The following KCTD19 variants were observed in gnomAD, a reference collection of about 807,000 sequenced individuals.
KCTD19 encodes BTB/POZ domain-containing protein KCTD19.
Under a neutral mutation model 103.5 loss-of-function variants are expected in KCTD19, and 67 were observed. The ratio of observed to expected loss-of-function variants is 0.65; its 90% CI spans 0.53 to 0.79. KCTD19 has a LOEUF of 0.79. Ranked by LOEUF, KCTD19 falls within the 30% of genes least tolerant of loss-of-function variation. The pLI is 0.00. For missense variants in KCTD19, 980 were observed against 1,136.1 expected, an observed-to-expected ratio of 0.86 and a Z score of 1.98; for synonymous variants, 439 against 452.2, an observed-to-expected ratio of 0.97 and a Z score of 0.37.
chr16:67,305,734 T>C (rs987389576), intron 2 of KCTD19: 2 of 359,430 alleles, frequency 5.6e-6, no homozygotes, highest in African/African-American at 4.3e-5. Context: ...AAGTGGTACT[T>C]TAAAGGCACC....
At chr16:67,321,013 A>T in intron 1 of KCTD19, 128 bp from the exon 2 acceptor site, 1 of 854,862 alleles carries the variant, frequency 1.2e-6, no homozygotes, top group African/African-American at 1.7e-5. Context: ...ATCCTAAGGA[A>T]TTCACCAGAA....
chr16:67,308,428 G>A (rs2036916366), intron 2 of KCTD19, among the ~76,000 whole-genome samples: 1 of 152,018 alleles, frequency 6.6e-6, no homozygotes, highest in Non-Finnish European at 1.5e-5. Context: ...GCCTCCCAAA[G>A]TGTTGGGATT....
intron 2 of KCTD19, among the ~76,000 whole-genome samples, chr16:67,315,659 T>G (rs944977083): frequency 2.0e-5 from 3 of 152,052 alleles, no homozygotes; most frequent in African/African-American, 7.2e-5. Context: ...TTTTTATATT[T>G]TTAGTTGAGA....
Position 67,304,497 on chromosome 16 carries a change from T to TG in KCTD19, c.374dup (p.Ser126IlefsTer12), listed in dbSNP as rs1319981399. On this transcript the variant is annotated frameshift_variant, in exon 3 of 16. Transcript: ENST00000304372. LOFTEE classifies it high-confidence loss of function. ...TCCATGTACGCCAGTAGTTCAGAGA[T>TG]GCTCTCTCAGCAACAGGTAGGTCTG... 6.2e-7 allele frequency: 1 copy of TG among 1,613,916 alleles called. No homozygotes were observed. Among genetic ancestry groups the TG allele is most frequent in the Non-Finnish European group, 8.5e-7 (1 of 1,179,892 alleles).
chr16:67,317,199 G>A (rs1388391999), intron 2 of KCTD19, among the ~76,000 whole-genome samples: 1 of 151,956 alleles, frequency 6.6e-6, no homozygotes, highest in African/African-American at 2.4e-5. Context: ...GACAGTCTGA[G>A]ACCCAGCACG....
At chr16:67,298,901 C>A (rs1357455334) in intron 6 of KCTD19, among the ~76,000 whole-genome samples, 1 of 151,212 alleles carries the variant, frequency 6.6e-6, no homozygotes, top group African/African-American at 2.4e-5. Context: ...AGGATCAGCA[C>A]CTCTGGGAAG....
At position 67,320,871 on chromosome 16, in the gene KCTD19, C is replaced by T. The variant is rs1279987540; in HGVS notation, c.18G>A (p.Met6Ile). The T allele has an allele frequency of 6.2e-7, 1 of 1,612,428 alleles. No homozygotes were observed. The highest frequency in any genetic ancestry group is 1.7e-5 in the Admixed American group (1 of 59,714). Residue 6 changes from methionine to isoleucine, a missense_variant, in exon 2 of 16, where the codon ATG (methionine) becomes ATA (isoleucine). Transcript: ENST00000304372. This position sits in a 1 kb window ranked among gnomAD's most constrained non-coding sequence, Gnocchi z 4.0. MEESG[M>I]AHESAEDLFH... ...ACAAGTCCTCTGCTGATTCATGAGC[C>T]ATGCCAGACTCCTCCTAAAGGGGGA...
chr16:67,311,759 ATGTAGGTGTGTGTCTTTG>A (rs1344396639), intron 2 of KCTD19, among the ~76,000 whole-genome samples: 1 of 151,960 alleles, frequency 6.6e-6, no homozygotes, highest in Non-Finnish European at 1.5e-5. Context: ...CCTTGCCTGC[ATGTAGGTGTGTGTCTTTG>A]TTGGGATATG....
At position 67,294,589 on chromosome 16, in the gene KCTD19, GTC is replaced by G. The variant is rs760770773; in HGVS notation, c.1579_1580del (p.Asp527HisfsTer2). On this transcript the variant is annotated frameshift_variant, in exon 11 of 16. Coordinates refer to ENST00000304372, the MANE Select transcript of KCTD19 (RefSeq NM_001100915.3). LOFTEE classifies it high-confidence loss of function. ...GPGSLVEFSRDTKETTAYMPV... is the reference protein window; with the variant it reads ...GPGSLVEFSRXTKETTAYMPV... Reference sequence around the variant, plus strand: ...GGAGGCTGGTGCTTACTTCTTTAGTGTCTCTACTGAACTCCACCAGTGACCCT... The same window carrying G: ...GGAGGCTGGTGCTTACTTCTTTAGTGTCTACTGAACTCCACCAGTGACCCT... The G allele has an allele frequency of 6.8e-6, 11 of 1,609,654 alleles. No individual in the cohort carries two copies. Among genetic ancestry groups the G allele is most frequent in the South Asian group, 1.1e-5 (1 of 90,992 alleles).
intron 2 of KCTD19, among the ~76,000 whole-genome samples, chr16:67,318,951 G>A (rs1279923665): frequency 3.9e-5 from 6 of 152,148 alleles, no homozygotes; most frequent in East Asian, 3.8e-4. Flanking sequence ...GGCCAGGTGC[G>A]GTGGCTCACG....
Position 67,291,817 on chromosome 16 carries a change from G to C in KCTD19, c.2239C>G (p.Pro747Ala), listed in dbSNP as rs1308688640. 1 of 1,609,914 alleles carries C rather than the reference G, an allele frequency of 6.2e-7. No individual in the cohort carries two copies. The highest frequency in any genetic ancestry group is 8.5e-7 in the Non-Finnish European group (1 of 1,177,236). Reference protein sequence around the residue: ...KERESPAPEQPLPEASEVDSL... With the variant: ...KERESPAPEQALPEASEVDSL... ...TCCACCTCACTGGCCTCGGGCAGAGGCTGCTCAGGGGCAGGGCTTTCTGTG... is the reference window on the plus strand; with the variant it reads ...TCCACCTCACTGGCCTCGGGCAGAGCCTGCTCAGGGGCAGGGCTTTCTGTG... The change falls in exon 13 of 16, where the codon CCT becomes GCT. Residue 747 changes from proline (P) to alanine (A), a missense_variant. By Grantham distance (27) the Pro-to-Ala change is conservative (BLOSUM62 -1). Transcript: ENST00000304372.
At chr16:67,296,053 TG>T in intron 8 of KCTD19, 105 bp downstream of exon 8, 1 of 751,896 alleles carries the variant, frequency 1.3e-6, no homozygotes, top group Non-Finnish European at 2.4e-6. Flanking sequence ...GGAAAGCCTT[TG>T]TTCTAAGCAA....
rs1460014056 is a variant in KCTD19 at position 67,320,330 on chromosome 16, G to A, written c.300+259C>T. On this transcript the variant is annotated intron_variant, in intron 2 of 15. Coordinates refer to ENST00000304372, the MANE Select transcript of KCTD19 (RefSeq NM_001100915.3). This position sits in a 1 kb window ranked among gnomAD's most constrained non-coding sequence, Gnocchi z 4.0. ...GATCCTTTGGGCTTGGGAGGTGGAGGTTGCAGTGAGCTGTGATTGCAGCAG... is the reference window on the plus strand; with the variant it reads ...GATCCTTTGGGCTTGGGAGGTGGAGATTGCAGTGAGCTGTGATTGCAGCAG... 6.6e-6 allele frequency among the ~76,000 whole-genome samples: 1 copy of A among 152,130 alleles called. No homozygotes were observed. Among genetic ancestry groups the A allele is most frequent in the Non-Finnish European group, 1.5e-5 (1 of 68,022 alleles).
chr16:67,290,786 T>G, intron 15 of KCTD19, 99 bp downstream of exon 15: 1 of 1,095,942 alleles, frequency 9.1e-7, no homozygotes, highest in Non-Finnish European at 1.3e-6. Flanking sequence ...TGTCTAGCCT[T>G]CTGGGCAGTG....
At chr16:67,301,086 G>A (rs1045379500) in intron 5 of KCTD19, 2 of 152,288 alleles carry the variant, frequency 1.3e-5, no homozygotes, top group Non-Finnish European at 2.9e-5. Context: ...ACACATTCTC[G>A]GGATGGTGGC....
chr16:67,294,932 G>A lies in KCTD19; in HGVS notation c.1475+41C>T, dbSNP rs553717381. ...ACAGGATTTCAAGAGGAATTTAAAGGACCAAATTCTAAACATAGAGTCGTG... is the reference window on the plus strand; with the variant it reads ...ACAGGATTTCAAGAGGAATTTAAAGAACCAAATTCTAAACATAGAGTCGTG... On this transcript the variant is annotated intron_variant, in intron 10 of 15. Coordinates refer to ENST00000304372, the MANE Select transcript of KCTD19 (RefSeq NM_001100915.3). 13 of 1,478,820 alleles carry A rather than the reference G, an allele frequency of 8.8e-6. 1 individual carries two copies. In the South Asian group the frequency reaches 1.4e-4, roughly 15 times the overall value. The allele number at this position is 1,478,820 out of a possible 1,614,324, so 91.6% of individuals were successfully genotyped here.
chr16:67,303,442 C>T lies in KCTD19; in HGVS notation c.452-105G>A. 3.7e-6 allele frequency: 3 copies of T among 809,136 alleles called. No individual in the cohort carries two copies. The highest frequency in any genetic ancestry group is 5.8e-6 in the Non-Finnish European group (3 of 520,018). The allele number at this position is 809,136 out of a possible 1,614,324, so 50.1% of individuals were successfully genotyped here. A position where few individuals can be genotyped will look rare whatever the true frequency, so the allele number is the denominator to read the frequency against. On this transcript the variant is annotated intron_variant, in intron 3 of 15. Coordinates refer to ENST00000304372, the MANE Select transcript of KCTD19 (RefSeq NM_001100915.3). This position sits in a 1 kb window ranked among gnomAD's most constrained non-coding sequence, Gnocchi z 4.3. ...GGGCCCCAGAGGATGCTAGAGAGACCCCCCAGGATATGGTCCTTGCCACTT... is the reference window on the plus strand; with the variant it reads ...GGGCCCCAGAGGATGCTAGAGAGACTCCCCAGGATATGGTCCTTGCCACTT...
chr16:67,307,212 G>A (rs1315550737), intron 2 of KCTD19, among the ~76,000 whole-genome samples: 2 of 151,396 alleles, frequency 1.3e-5, no homozygotes, highest in Non-Finnish European at 2.9e-5. Flanking sequence ...GCAGTGGCAT[G>A]ATCACAGCTC....
chr16:67,291,868 C>CT (rs752350683), intron 12 of KCTD19, 31 bp from the exon 13 acceptor site: 15 of 1,499,420 alleles, frequency 1.0e-5, no homozygotes, highest in South Asian at 5.4e-5. Flanking sequence ...GGGGGCTCTC[C>CT]TTTTAAAAAA....
Sources: gnomAD v4.1 joint callset for allele counts (sites outside exome capture counted in the v4.1 genomes callset) on GRCh38, gnomAD v4.1.1 for gene constraint, Gnocchi (gnomAD v3.1) non-coding constraint, MANE v1.5 for transcripts, NCBI Gene and HGNC (gene_info 2026-07-23, HGNC 2026-07-21) for gene names.